The following SLC35F4 variants were observed in gnomAD, a reference collection of about 807,000 sequenced individuals.
The protein encoded by SLC35F4 is solute carrier family 35 member F4.
Under a neutral mutation model 44.2 loss-of-function variants are expected in SLC35F4, and 24 were observed. The ratio of observed to expected loss-of-function variants is 0.54; its 90% CI spans 0.39 to 0.76. SLC35F4 has a LOEUF of 0.76. Among genes scored for constraint, SLC35F4 ranks in the 30% least tolerant of loss-of-function variants. SLC35F4 has a pLI of 0.00. For synonymous variants in SLC35F4, 238 were observed against 223.6 expected (o/e 1.06, Z -0.57); for missense variants, 562 against 586.1 (o/e 0.96, Z 0.42).
Position 57,790,751 on chromosome 14 carries a change from C to A in SLC35F4, c.103+74972G>T, listed in dbSNP as rs554872515. 2.6e-5 allele frequency among the ~76,000 whole-genome samples: 4 copies of A among 152,156 alleles called. 1 individual carries two copies. In the South Asian group the frequency reaches 8.3e-4, roughly 32 times the overall value. ...TTCAAACTATACCACAGGGCTACAG[C>A]AACCAAAACAGCATGGTACTGGTAC... On this transcript the variant is annotated intron_variant, in intron 1 of 7. Transcript: ENST00000556826.
At chr14:57,883,307 T>C (rs568199767) in intron 1 of SLC35F4, among the ~76,000 whole-genome samples, 82 of 152,314 alleles carry the variant, frequency 5.4e-4, no homozygotes, top group African/African-American at 1.9e-3. Context: ...ACAACATCAG[T>C]TTAATATTTG....
At chr14:57,573,602 A>C (rs536296300) in intron 4 of SLC35F4, among the ~76,000 whole-genome samples, 20 of 152,298 alleles carry the variant, frequency 1.3e-4, no homozygotes, top group Admixed American at 2.0e-4. Context: ...TAGACTCATC[A>C]ATACACACAG....
At chr14:57,809,226 A>T (rs1881692870) in intron 1 of SLC35F4, among the ~76,000 whole-genome samples, 1 of 152,156 alleles carries the variant, frequency 6.6e-6, no homozygotes, top group African/African-American at 2.4e-5. Context: ...TTCTTTTCAC[A>T]AAGTTTGCAT....
intron 1 of SLC35F4, among the ~76,000 whole-genome samples, chr14:57,721,699 G>A (rs1439335722): frequency 6.6e-6 from 1 of 152,080 alleles, no homozygotes; most frequent in East Asian, 1.9e-4. Flanking sequence ...CTTGGAATGG[G>A]GACATGTGGG....
chr14:57,807,052 T>C (rs976556411), intron 1 of SLC35F4, among the ~76,000 whole-genome samples: 4 of 152,214 alleles, frequency 2.6e-5, no homozygotes, highest in Admixed American at 1.3e-4. Context: ...CTCTTAATCA[T>C]TGATAAATTT....
At chr14:57,930,448 A>C (rs910948029) in intron 1 of SLC35F4, among the ~76,000 whole-genome samples, 3 of 151,910 alleles carry the variant, frequency 2.0e-5, no homozygotes, top group African/African-American at 7.3e-5. Flanking sequence ...TCTGACCACC[A>C]CCACGTGGAA....
intron 1 of SLC35F4, among the ~76,000 whole-genome samples, chr14:57,614,025 T>C (rs2071664387): frequency 6.6e-6 from 1 of 152,222 alleles, no homozygotes; most frequent in African/African-American, 2.4e-5. Context: ...ACTCAGGGCA[T>C]ATACCATAGG....
intron 1 of SLC35F4, among the ~76,000 whole-genome samples, chr14:57,749,060 C>T (rs1463683850): frequency 6.6e-6 from 1 of 152,172 alleles, no homozygotes; most frequent in Non-Finnish European, 1.5e-5. Flanking sequence ...AGCTGGTAAG[C>T]AGCTGAGCTT....
intron 1 of SLC35F4, among the ~76,000 whole-genome samples, chr14:57,797,800 T>G (rs892858819): frequency 6.6e-6 from 1 of 152,170 alleles, no homozygotes; most frequent in Non-Finnish European, 1.5e-5. Flanking sequence ...TCCCCTGTAA[T>G]AGTTTATATC....
At chr14:57,942,138 A>G (rs370934172) in intron 1 of SLC35F4, among the ~76,000 whole-genome samples, 12 of 152,360 alleles carry the variant, frequency 7.9e-5, no homozygotes, top group African/African-American at 2.9e-4. Flanking sequence ...AAGAGTGAAT[A>G]ACGTCAGAAC....
intron 1 of SLC35F4, among the ~76,000 whole-genome samples, chr14:57,758,321 G>A (rs2077044233): frequency 6.6e-6 from 1 of 151,856 alleles, no homozygotes; most frequent in Admixed American, 6.6e-5. Context: ...TGAAATTGTT[G>A]TACAGTTGAG....
intron 1 of SLC35F4, among the ~76,000 whole-genome samples, chr14:57,760,854 G>C (rs74482792): frequency 0.02 from 3,119 of 152,176 alleles, 92 homozygotes; most frequent in African/African-American, 0.07. Context: ...CAGGGCGCTG[G>C]GTAGTTTCCT....
upstream of SLC35F4, among the ~76,000 whole-genome samples, chr14:57,869,567 C>G (rs61571684): frequency 0.039 from 5,949 of 152,126 alleles, 340 homozygotes; most frequent in African/African-American, 0.12. Flanking sequence ...GATCTTTTTC[C>G]CCTCTGGGAA....
chr14:57,753,532 C>A (rs2076932061), intron 1 of SLC35F4, among the ~76,000 whole-genome samples: 1 of 152,162 alleles, frequency 6.6e-6, no homozygotes, highest in Middle Eastern at 3.2e-3. Context: ...TTGGCACAAG[C>A]TGCTTTCTCA....
chr14:57,943,673 G>A (rs546700701), intron 1 of SLC35F4, among the ~76,000 whole-genome samples: 1 of 152,222 alleles, frequency 6.6e-6, no homozygotes, highest in South Asian at 2.1e-4. Context: ...CCCCAGCCCC[G>A]ATGTCTGCAC....
chr14:57,594,077 G>T lies in SLC35F4; in HGVS notation c.151C>A (p.Pro51Thr), dbSNP rs1329233127. 1 of 1,613,924 alleles carries T rather than the reference G, an allele frequency of 6.2e-7. No individual in the cohort carries two copies. The highest frequency in any genetic ancestry group is 1.1e-5 in the South Asian group (1 of 91,066). ...VTRCKPGANC[P>T]SSHSGISRQL... ...CTACTGATGCCACTGTGTGAACTGG[G>T]GCAGTTGGCTCCTGGTTTACATCTA... Residue 51 changes from proline to threonine, a missense_variant, in exon 2 of 8, where the codon CCC (proline) becomes ACC (threonine). Pro to Thr is a conservative substitution (Grantham distance 38). Coordinates refer to ENST00000556826, the MANE Select transcript of SLC35F4 (RefSeq NM_001306087.2).
At chr14:57,857,873 A>G (rs1284167818) in intron 1 of SLC35F4, among the ~76,000 whole-genome samples, 2 of 152,088 alleles carry the variant, frequency 1.3e-5, no homozygotes, top group Non-Finnish European at 2.9e-5. Context: ...GCCAAAGTGC[A>G]GTAAAGCACT....
rs80218108 is a variant in SLC35F4 at position 57,614,870 on chromosome 14, G to A, written c.104-20746C>T. Among the ~76,000 whole-genome samples the A allele has an allele frequency of 1.3e-3, 203 of 152,320 alleles. No individual in the cohort carries two copies. The East Asian group carries it at 0.031, about 23-fold the overall frequency. ...AGGGGTTTGTAAGACAACATGTAGG[G>A]AGAAAGCTGTGTGACCTTGGGATGT... On this transcript the variant is annotated intron_variant, in intron 1 of 7. Transcript: ENST00000556826.
chr14:57,760,368 AT>A (rs986691848), intron 1 of SLC35F4, among the ~76,000 whole-genome samples: 15 of 152,114 alleles, frequency 9.9e-5, no homozygotes, highest in Non-Finnish European at 1.8e-4. Flanking sequence ...TGGACTGTCT[AT>A]TTTATTCCAT....
Sources: allele counts gnomAD v4.1 joint callset (sites outside exome capture counted in the v4.1 genomes callset), GRCh38; gene constraint gnomAD v4.1.1; transcripts MANE v1.5; gene names NCBI Gene and HGNC (gene_info 2026-07-23, HGNC 2026-07-21).